LIMS1: variants seen among roughly 807,000 people sequenced by gnomAD.
The protein encoded by LIMS1 is LIM and senescent cell antigen-like-containing domain protein 1.
Under a neutral mutation model 44.1 loss-of-function variants are expected in LIMS1, and 18 were observed. That is an observed-to-expected ratio of 0.41 (90% CI 0.28 to 0.61). The LOEUF (loss-of-function observed/expected upper bound fraction) is 0.61. Among genes scored for constraint, LIMS1 ranks in the 20% least tolerant of loss-of-function variants. The pLI, the probability that LIMS1 is intolerant of heterozygous loss-of-function variation, is 0.32. For missense variants in LIMS1, 201 were observed against 422.0 expected (o/e 0.48, Z 4.59); for synonymous variants, 93 against 149.1 (o/e 0.62, Z 2.74).
At chr2:108,588,425 A>G in intron 1 of LIMS1, 1 of 985,468 alleles carries the variant, frequency 1.0e-6, no homozygotes. Flanking sequence ...AGCCCTGATA[A>G]GTAAGTTAAA....
In LIMS1 at chr2:108,644,875, C is replaced by T. The variant is rs140434960; in HGVS notation, c.33-14730C>T. Among the ~76,000 whole-genome samples the T allele has an allele frequency of 4.9e-4, 74 of 151,308 alleles. 2 individuals carry two copies. The East Asian group carries it at 0.013, about 26-fold the overall frequency. ...CACACACAAGTATCAACAGCCAAGT[C>T]GATCAAGCAGAAGAAAGGATATCAG... is the stretch of plus-strand genomic sequence containing the variant. On this transcript the variant is annotated intron_variant, in intron 1 of 9. Transcript: ENST00000544547.
intron 3 of LIMS1, among the ~76,000 whole-genome samples, chr2:108,671,181 A>AG (rs1200411135): frequency 1.3e-5 from 2 of 151,980 alleles, no homozygotes; most frequent in Non-Finnish European, 2.9e-5. Context: ...GGGGAAAAAA[A>AG]GTAAGTTTCC....
chr2:108,564,983 G>A (rs1041301325), intron 1 of LIMS1, among the ~76,000 whole-genome samples: 5 of 150,888 alleles, frequency 3.3e-5, no homozygotes, highest in Non-Finnish European at 2.9e-5. Context: ...GAAACCCCTA[G>A]CTCTTTAAGA....
At chr2:108,683,857 CT>C (rs759150289) in intron 9 of LIMS1, 27 bp from the exon 10 acceptor site, 485 of 1,260,334 alleles carry the variant, frequency 3.8e-4, no homozygotes, top group South Asian at 6.2e-4. Context: ...CCACTAACTT[CT>C]TTTTTTTTAT....
intron 9 of LIMS1, chr2:108,681,041 G>C (rs1026519286): frequency 7.8e-7 from 1 of 1,286,972 alleles, no homozygotes; most frequent in Admixed American, 3.7e-5. Context: ...AAGAATTTAA[G>C]AGGCGACTTG....
At chr2:108,570,126 A>G (rs1685433424) in intron 1 of LIMS1, among the ~76,000 whole-genome samples, 1 of 152,008 alleles carries the variant, frequency 6.6e-6, no homozygotes, top group Non-Finnish European at 1.5e-5. Context: ...GGGAAAGGAA[A>G]TCAAGACATT....
intron 1 of LIMS1, among the ~76,000 whole-genome samples, chr2:108,567,240 C>T (rs921030913): frequency 6.6e-6 from 1 of 152,064 alleles, no homozygotes; most frequent in African/African-American, 2.4e-5. Context: ...AGTTTCCTCC[C>T]GCATCCCAAA....
intron 1 of LIMS1, among the ~76,000 whole-genome samples, chr2:108,629,436 G>A (rs10186344): frequency 0.021 from 3,218 of 152,246 alleles, 48 homozygotes; most frequent in Non-Finnish European, 0.025. Context: ...AATAGAAATA[G>A]CTAGAGGTTG....
Position 108,616,234 on chromosome 2 carries a change from C to G in LIMS1, c.33-43371C>G, listed in dbSNP as rs1422066365. 5.8e-5 allele frequency among the ~76,000 whole-genome samples: 6 copies of G among 103,910 alleles called. No homozygotes were observed. The Admixed American group carries it at 7.3e-4, about 13-fold the overall frequency. 68.2% of individuals were successfully genotyped at this position (103,910 alleles called of 152,430 possible). A position where few individuals can be genotyped will look rare whatever the true frequency, so the allele number is the denominator to read the frequency against. On this transcript the variant is annotated intron_variant, in intron 1 of 9. Transcript: ENST00000544547. ...TTTTTTTTTTTTTGGATATAGGGGT[C>G]TTACTCTGTCACCCAGGCTGGAGTG...
rs1478401949 is a variant in LIMS1 at position 108,679,084 on chromosome 2, A to G, written c.823+1057A>G. ...AACTATGGATCAAAAATATTTAGAG[A>G]AAAATAACAATATAACAGTACAAAT... On this transcript the variant is annotated intron_variant, in intron 8 of 9. Coordinates refer to ENST00000544547, the Ensembl canonical transcript of LIMS1. 2.6e-5 allele frequency among the ~76,000 whole-genome samples: 4 copies of G among 152,306 alleles called. No individual in the cohort carries two copies. The East Asian group carries it at 7.7e-4, about 29-fold the overall frequency.
intron 2 of LIMS1, among the ~76,000 whole-genome samples, chr2:108,664,076 G>C (rs142312492): frequency 3.3e-5 from 5 of 152,252 alleles, no homozygotes; most frequent in Non-Finnish European, 5.9e-5. Flanking sequence ...TTTATGATGA[G>C]TAGTCTTGTA....
chr2:108,535,290 G>C (rs558441194), intron 1 of LIMS1, among the ~76,000 whole-genome samples: 18 of 152,232 alleles, frequency 1.2e-4, no homozygotes, highest in Non-Finnish European at 2.6e-4. Flanking sequence ...AGCTGTTTCA[G>C]ATAATTATGG....
chr2:108,650,429 TC>T lies in LIMS1; in HGVS notation c.33-9175del, dbSNP rs1243810835. ...TTTTCTTTTCTTTTTTTTTTTTTTTTCTTTCGAGACGGAGTTTTGCTCTTGT... is the reference window on the plus strand; with the variant it reads ...TTTTCTTTTCTTTTTTTTTTTTTTTTTTTCGAGACGGAGTTTTGCTCTTGT... On this transcript the variant is annotated intron_variant, in intron 1 of 9. Transcript: ENST00000544547. Among the ~76,000 whole-genome samples the T allele has an allele frequency of 3.8e-3, 571 of 149,614 alleles. 4 individuals carry two copies. Among genetic ancestry groups the T allele is most frequent in the South Asian group, 0.012 (56 of 4,624 alleles).
intron 2 of LIMS1, among the ~76,000 whole-genome samples, chr2:108,664,628 TA>T (rs1425164866): frequency 6.6e-6 from 1 of 152,260 alleles, no homozygotes; most frequent in Admixed American, 6.5e-5. Context: ...TCTTGATTTT[TA>T]AAAAATTTTA....
chr2:108,554,022 C>T (rs1398999970), intron 1 of LIMS1, among the ~76,000 whole-genome samples: 1 of 152,156 alleles, frequency 6.6e-6, no homozygotes, highest in South Asian at 2.1e-4. Flanking sequence ...TGTTTACTCA[C>T]ATAGTTGGTT....
intron 1 of LIMS1, among the ~76,000 whole-genome samples, chr2:108,573,704 C>T (rs1685568913): frequency 6.6e-6 from 1 of 152,092 alleles, no homozygotes. Context: ...ATGGTAGAGA[C>T]ACATCATAAA....
intron 1 of LIMS1, among the ~76,000 whole-genome samples, chr2:108,573,150 A>T (rs1685542303): frequency 6.6e-6 from 1 of 152,236 alleles, no homozygotes; most frequent in African/African-American, 2.4e-5. Flanking sequence ...TATTCAGCAG[A>T]TGTAAAATTT....
chr2:108,667,551 A>AAAAATAT (rs765279788), intron 2 of LIMS1, among the ~76,000 whole-genome samples: 9,760 of 130,106 alleles, frequency 0.075, 488 homozygotes, highest in Middle Eastern at 0.16. Flanking sequence ...AAAAAAAAAA[A>AAAAATAT]ATATATATAT....
intron 1 of LIMS1, 139 bp downstream of exon 1, chr2:108,534,733 C>A (rs1230551767): frequency 6.6e-6 from 2 of 301,768 alleles, no homozygotes; most frequent in Non-Finnish European, 9.7e-6. Flanking sequence ...GGAGCCCCGA[C>A]CCCCAGCGCT....
Sources: gnomAD v4.1 joint callset for allele counts (sites outside exome capture counted in the v4.1 genomes callset) on GRCh38, gnomAD v4.1.1 for gene constraint, MANE v1.5 for transcripts, NCBI Gene and HGNC (gene_info 2026-07-23, HGNC 2026-07-21) for gene names.